The following GPRC6A variants were observed in gnomAD, a reference collection of about 807,000 sequenced individuals.
GPRC6A encodes the protein G protein-coupled receptor family C group 6 member A.
In GPRC6A, 54 loss-of-function variants were observed where a neutral mutation model predicts 47.0. The ratio of observed to expected loss-of-function variants is 1.15; its 90% confidence interval spans 0.92 to 1.44. The LOEUF (loss-of-function observed/expected upper bound fraction) is 1.44. Ranked by LOEUF, GPRC6A falls within the 40% of genes most tolerant of loss-of-function variation. The pLI is 0.00. For synonymous variants in GPRC6A, 347 were observed against 377.1 expected, an observed-to-expected ratio of 0.92 and a Z score of 0.93; for missense variants, 1,112 against 1,105.5, an observed-to-expected ratio of 1.01 and a Z score of -0.08.
chr6:116,792,752 A>C lies in GPRC6A; in HGVS notation c.2171T>G (p.Ile724Ser). 1 of 1,614,004 alleles carries C rather than the reference A, an allele frequency of 6.2e-7. No homozygotes were observed. Among genetic ancestry groups the C allele is most frequent in the Non-Finnish European group, 8.5e-7 (1 of 1,179,954 alleles). The change falls in exon 6 of 6, where the codon ATC becomes AGC. Residue 724 changes from isoleucine to serine, a missense_variant. Coordinates refer to ENST00000310357, the MANE Select transcript of GPRC6A (RefSeq NM_148963.4). Reference sequence around the variant, plus strand: ...CACCTCTACAGTAGGTGCTGCAAAGATTAGCCAGAGTGTGCAAATGACAAC... The same window carrying C: ...CACCTCTACAGTAGGTGCTGCAAAGCTTAGCCAGAGTGTGCAAATGACAAC... ...IQVVICTLWL[I>S]FAAPTVEVNV... is the part of the protein sequence containing the mutation.
In GPRC6A at chr6:116,796,680, G is replaced by T. The variant is rs565744811; in HGVS notation, c.1549-845C>A. Among the ~76,000 whole-genome samples the T allele has an allele frequency of 1.4e-4, 22 of 152,224 alleles. No homozygotes were observed. The South Asian group carries it at 4.4e-3, about 30-fold the overall frequency. ...TAAGCTATCCAGTCTTTCTCTGGAA[G>T]ATGCAAATGATCTGTCTGAGAGAGA... is the stretch of plus-strand genomic sequence containing the variant. On this transcript the variant is annotated intron_variant, in intron 4 of 5. Coordinates refer to ENST00000310357, the MANE Select transcript of GPRC6A (RefSeq NM_148963.4).
intron 5 of GPRC6A, among the ~76,000 whole-genome samples, chr6:116,793,747 G>T (rs1772392183): frequency 6.6e-6 from 1 of 152,126 alleles, no homozygotes. Context: ...CGTACTTAAT[G>T]AGATAATAAA....
chr6:116,801,282 G>T (rs572936013), intron 3 of GPRC6A, among the ~76,000 whole-genome samples: 1 of 152,268 alleles, frequency 6.6e-6, no homozygotes, highest in African/African-American at 2.4e-5. Context: ...TGAGAAGAAA[G>T]AAATATAAGG....
Position 116,808,997 on chromosome 6 carries a change from C to T in GPRC6A, c.498+317G>A, listed in dbSNP as rs556122474. Among the ~76,000 whole-genome samples the T allele has an allele frequency of 2.6e-5, 4 of 152,308 alleles. No homozygotes were observed. In the East Asian group the frequency reaches 7.7e-4, roughly 29 times the overall value. ...GCTACATGACCCAGGCTTTGCCTGT[C>T]TCTACAAAAGCATCTCTTACTATGT... On this transcript the variant is annotated intron_variant, in intron 2 of 5. Transcript: ENST00000310357.
chr6:116,800,706 C>T lies in GPRC6A; in HGVS notation c.1426G>A (p.Val476Ile). The T allele has an allele frequency of 6.2e-7, 1 of 1,610,148 alleles. No homozygotes were observed. Among genetic ancestry groups the T allele is most frequent in the Non-Finnish European group, 8.5e-7 (1 of 1,176,594 alleles). The part of the protein sequence containing the change: ...AHGDLNTGYD[V>I]VLWKEINGHM... ...CCATTGATCTCCTTCCAGAGCACAA[C>T]ATCATATCCAGTATTTAAATCCCCG... is the stretch of plus-strand genomic sequence containing the variant. The change falls in exon 4 of 6, where the codon GTT (valine) becomes ATT (isoleucine). Residue 476 changes from valine to isoleucine, a missense_variant. Physicochemically the swap from Val to Ile is conservative, Grantham distance 29. Coordinates refer to ENST00000310357, the MANE Select transcript of GPRC6A (RefSeq NM_148963.4).
chr6:116,795,648 T>A, intron 5 of GPRC6A, 64 bp downstream of exon 5: 1 of 1,319,912 alleles, frequency 7.6e-7, no homozygotes, highest in Non-Finnish European at 1.0e-6. Context: ...AAAATAAAAT[T>A]CATGCAAAGA....
intron 3 of GPRC6A, among the ~76,000 whole-genome samples, chr6:116,805,894 G>A (rs1318713588): frequency 6.6e-6 from 1 of 151,942 alleles, no homozygotes; most frequent in African/African-American, 2.4e-5. Flanking sequence ...TTAACTATAG[G>A]TGTTGGGATT....
At chr6:116,797,616 G>C (rs1218901428) in intron 4 of GPRC6A, among the ~76,000 whole-genome samples, 1 of 152,174 alleles carries the variant, frequency 6.6e-6, no homozygotes, top group Non-Finnish European at 1.5e-5. Flanking sequence ...TAGTCACTAA[G>C]AGCCTCACAT....
chr6:116,808,377 G>A (rs1037885652), intron 2 of GPRC6A, among the ~76,000 whole-genome samples: 2 of 151,968 alleles, frequency 1.3e-5, no homozygotes, highest in South Asian at 4.1e-4. Context: ...CTTTCCTTAC[G>A]TATCACCTAA....
At chr6:116,816,876 A>G (rs1285791552) in intron 1 of GPRC6A, among the ~76,000 whole-genome samples, 4 of 151,616 alleles carry the variant, frequency 2.6e-5, no homozygotes, top group Non-Finnish European at 4.4e-5. Context: ...CACCTGGCTC[A>G]GAGGGTCCTA....
At chr6:116,816,850 A>T (rs1164102344) in intron 1 of GPRC6A, among the ~76,000 whole-genome samples, 1 of 152,190 alleles carries the variant, frequency 6.6e-6, no homozygotes, top group East Asian at 1.9e-4. Context: ...ACGGCGCACT[A>T]CGAGATTATA....
chr6:116,804,554 C>CAAAG lies in GPRC6A; in HGVS notation c.1335+1815_1335+1816insCTTT, dbSNP rs1772780666. Among the ~76,000 whole-genome samples, 6 of 152,026 alleles carry CAAAG rather than the reference C, an allele frequency of 3.9e-5. No individual in the cohort carries two copies. The South Asian group carries it at 1.2e-3, about 31-fold the overall frequency. On this transcript the variant is annotated intron_variant, in intron 3 of 5. Transcript: ENST00000310357. ...GCACTGACTTGATGTGGCTCACTCA[C>CAAAG]GTCTTGATCAAAGGAGCAAGTCATC...
chr6:116,798,537 G>T (rs566586708), intron 4 of GPRC6A, among the ~76,000 whole-genome samples: 2 of 152,064 alleles, frequency 1.3e-5, no homozygotes, highest in Non-Finnish European at 2.9e-5. Context: ...GTCATCAAAG[G>T]ATTCTGAGCA....
At chr6:116,798,060 C>A (rs1772543710) in intron 4 of GPRC6A, among the ~76,000 whole-genome samples, 1 of 152,132 alleles carries the variant, frequency 6.6e-6, no homozygotes, top group African/African-American at 2.4e-5. Context: ...TTGTTGAAGC[C>A]ACAGTGGGGA....
chr6:116,804,383 T>A (rs997322763), intron 3 of GPRC6A, among the ~76,000 whole-genome samples: 2 of 152,112 alleles, frequency 1.3e-5, no homozygotes, highest in African/African-American at 4.8e-5. Context: ...ATTTAAATAT[T>A]AGTGAATTTT....
intron 1 of GPRC6A, among the ~76,000 whole-genome samples, chr6:116,813,654 C>G (rs1773104422): frequency 6.6e-6 from 1 of 152,036 alleles, no homozygotes; most frequent in African/African-American, 2.4e-5. Context: ...CCATAAAAAC[C>G]CTAGAAGAAA....
chr6:116,817,415 G>C (rs1402474504), intron 1 of GPRC6A, among the ~76,000 whole-genome samples: 1 of 150,636 alleles, frequency 6.6e-6, no homozygotes, highest in African/African-American at 2.4e-5. Flanking sequence ...ACCAAAAGTA[G>C]ATAAAACCAC....
chr6:116,818,308 G>T (rs1269488340), intron 1 of GPRC6A, among the ~76,000 whole-genome samples: 2 of 151,122 alleles, frequency 1.3e-5, no homozygotes, highest in Non-Finnish European at 3.0e-5. Flanking sequence ...GCCGAGGCGG[G>T]CGGATCACGA....
At chr6:116,796,825 C>A (rs1456882929) in intron 4 of GPRC6A, among the ~76,000 whole-genome samples, 1 of 152,144 alleles carries the variant, frequency 6.6e-6, no homozygotes, top group African/African-American at 2.4e-5. Flanking sequence ...CCAGGGCAAA[C>A]TTTTAACGTA....
Sources: allele counts gnomAD v4.1 joint callset (sites outside exome capture counted in the v4.1 genomes callset), GRCh38; gene constraint gnomAD v4.1.1; transcripts MANE v1.5; gene names NCBI Gene and HGNC (gene_info 2026-07-23, HGNC 2026-07-21).